Variants in CDH12 observed in about 807,000 individuals in gnomAD.
CDH12 encodes the protein cadherin-12.
CDH12 carries 41 observed loss-of-function variants against 74.1 expected under a neutral mutation model. The observed-to-expected ratio is 0.55, with a 90% CI of 0.43 to 0.72. The LOEUF is 0.72. Among genes scored for constraint, CDH12 ranks in the 30% least tolerant of loss-of-function variants. The pLI, the probability that CDH12 is intolerant of heterozygous loss-of-function variation, is 0.00. For missense variants in CDH12, 945 were observed against 977.2 expected (o/e 0.97, Z 0.44); for synonymous variants, 399 against 355.0 (o/e 1.12, Z -1.39).
At chr5:22,323,594 A>G (rs921913732) in intron 3 of CDH12, among the ~76,000 whole-genome samples, 7 of 152,174 alleles carry the variant, frequency 4.6e-5, no homozygotes, top group Admixed American at 1.3e-4. Flanking sequence ...CAAATTTGAA[A>G]TGGGCTTCTA....
chr5:22,761,020 C>A (rs967817266), intron 1 of CDH12, among the ~76,000 whole-genome samples: 1 of 152,120 alleles, frequency 6.6e-6, no homozygotes, highest in Non-Finnish European at 1.5e-5. Context: ...GTTTTGCATT[C>A]TTATATCATT....
chr5:21,912,677 G>A (rs1161133899), intron 6 of CDH12, among the ~76,000 whole-genome samples: 2 of 152,090 alleles, frequency 1.3e-5, no homozygotes, highest in Non-Finnish European at 2.9e-5. Flanking sequence ...CAAGATGCCC[G>A]GTCCACACCC....
chr5:21,822,109 TG>T (rs1434730834), intron 8 of CDH12, among the ~76,000 whole-genome samples: 1 of 152,008 alleles, frequency 6.6e-6, no homozygotes, highest in Non-Finnish European at 1.5e-5. Context: ...TCTCTTTTCC[TG>T]ATCTGTAAAA....
At chr5:22,092,602 TGAA>T (rs1163107893) in intron 4 of CDH12, among the ~76,000 whole-genome samples, 1 of 152,108 alleles carries the variant, frequency 6.6e-6, no homozygotes, top group Non-Finnish European at 1.5e-5. Flanking sequence ...TAACAAATGT[TGAA>T]GGAGGATGTG....
chr5:22,202,270 A>T (rs1408802550), intron 4 of CDH12, among the ~76,000 whole-genome samples: 1 of 151,506 alleles, frequency 6.6e-6, no homozygotes, highest in Non-Finnish European at 1.5e-5. Flanking sequence ...GCAGTAAACA[A>T]AGCAAGGTTC....
At chr5:22,118,227 T>C (rs552720411) in intron 4 of CDH12, among the ~76,000 whole-genome samples, 1 of 152,220 alleles carries the variant, frequency 6.6e-6, no homozygotes, top group African/African-American at 2.4e-5. Context: ...TTGCTATTCA[T>C]GTGGATGGGA....
intron 3 of CDH12, among the ~76,000 whole-genome samples, chr5:22,379,987 G>A (rs1484296140): frequency 6.6e-6 from 1 of 152,058 alleles, no homozygotes; most frequent in Non-Finnish European, 1.5e-5. Context: ...TCAAACCCCT[G>A]GTTTCAAGCA....
rs1437247765 is a variant in CDH12, at chr5:22,326,685, T to C, written c.-333+78572A>G. Among the ~76,000 whole-genome samples the C allele has an allele frequency of 2.0e-5, 3 of 152,314 alleles. No homozygotes were observed. The East Asian group carries it at 5.8e-4, about 29-fold the overall frequency. ...GAAATAGACATTAGGAAGAAATGTT[T>C]CCTTTCACTTGTGAAAAATTGTACC... On this transcript the variant is annotated intron_variant, in intron 3 of 14. Coordinates refer to ENST00000382254, the MANE Select transcript of CDH12 (RefSeq NM_004061.5).
chr5:21,790,828 G>T (rs1482880517), intron 10 of CDH12, among the ~76,000 whole-genome samples: 1 of 151,718 alleles, frequency 6.6e-6, no homozygotes, highest in Non-Finnish European at 1.5e-5. Flanking sequence ...GCATCAAGTC[G>T]TGGCACACAT....
intron 1 of CDH12, among the ~76,000 whole-genome samples, chr5:22,669,078 G>A (rs1050441806): frequency 1.3e-5 from 2 of 152,038 alleles, no homozygotes; most frequent in South Asian, 4.2e-4. Flanking sequence ...TCCTCTGGCT[G>A]ATGAAAATAA....
At chr5:21,927,845 G>A (rs1364071402) in intron 6 of CDH12, among the ~76,000 whole-genome samples, 2 of 151,902 alleles carry the variant, frequency 1.3e-5, no homozygotes, top group African/African-American at 4.8e-5. Context: ...CGAGGCAAGC[G>A]GATCGTGAGG....
At chr5:22,057,562 G>A (rs974096062) in intron 5 of CDH12, among the ~76,000 whole-genome samples, 2 of 152,146 alleles carry the variant, frequency 1.3e-5, no homozygotes, top group African/African-American at 4.8e-5. Context: ...TCGCGGAAGG[G>A]AGTGAACTCT....
At chr5:22,390,575 GAGAT>G (rs5866562) in intron 3 of CDH12, among the ~76,000 whole-genome samples, 57,381 of 148,050 alleles carry the variant, frequency 0.39, 11,179 homozygotes, top group Non-Finnish European at 0.42. Context: ...GATGGATGGA[GAGAT>G]AGATAGATAG....
chr5:22,100,652 G>GAGACACACAC (rs1554010107), intron 4 of CDH12, among the ~76,000 whole-genome samples: 21 of 144,242 alleles, frequency 1.5e-4, no homozygotes, highest in African/African-American at 5.2e-4. Context: ...CCATACATTA[G>GAGACACACAC]ACACACACAC....
chr5:21,890,465 C>T (rs895262757), intron 6 of CDH12, among the ~76,000 whole-genome samples: 1 of 152,086 alleles, frequency 6.6e-6, no homozygotes, highest in Non-Finnish European at 1.5e-5. Flanking sequence ...AAGAACTATA[C>T]AGCCTTACTT....
At chr5:22,767,685 A>G (rs1220095834) in intron 1 of CDH12, among the ~76,000 whole-genome samples, 1 of 152,034 alleles carries the variant, frequency 6.6e-6, no homozygotes, top group Non-Finnish European at 1.5e-5. Flanking sequence ...AGCCCTAATT[A>G]TACCCAGCCA....
chr5:22,451,587 G>C (rs1193347187), intron 2 of CDH12, among the ~76,000 whole-genome samples: 1 of 151,906 alleles, frequency 6.6e-6, no homozygotes, highest in Non-Finnish European at 1.5e-5. Context: ...GGCCACATAT[G>C]ACAAAACCAT....
At chr5:22,641,959 G>A (rs1739174112) in intron 1 of CDH12, among the ~76,000 whole-genome samples, 1 of 152,122 alleles carries the variant, frequency 6.6e-6, no homozygotes, top group Non-Finnish European at 1.5e-5. Context: ...GGGAACAAAT[G>A]TGGCCTCCAT....
intron 6 of CDH12, among the ~76,000 whole-genome samples, chr5:21,856,649 G>A (rs994911168): frequency 1.2e-4 from 18 of 151,682 alleles, no homozygotes; most frequent in African/African-American, 4.1e-4. Context: ...CCACTATGCT[G>A]AACAAATATG....
Sources: allele counts gnomAD v4.1 joint callset (sites outside exome capture counted in the v4.1 genomes callset), GRCh38; gene constraint gnomAD v4.1.1; transcripts MANE v1.5; gene names NCBI Gene and HGNC (gene_info 2026-07-23, HGNC 2026-07-21).